The following OBI1 variants were observed in gnomAD, a reference collection of about 807,000 sequenced individuals.
OBI1 encodes the protein ORC ubiquitin ligase 1.
In OBI1, 59 loss-of-function variants were observed where a neutral mutation model predicts 62.4. The observed-to-expected ratio is 0.95, with a 90% CI of 0.77 to 1.17. The LOEUF (loss-of-function observed/expected upper bound fraction) is 1.17. OBI1 is among the 50% of genes most tolerant of loss of function. OBI1 has a pLI of 0.00. For synonymous variants in OBI1, 302 were observed against 292.8 expected (o/e 1.03, Z -0.32); for missense variants, 875 against 830.9 (o/e 1.05, Z -0.65).
At position 78,615,818 on chromosome 13, in the gene OBI1, G is replaced by A; in HGVS notation, c.1943C>T (p.Thr648Ile). The A allele has an allele frequency of 6.2e-7, 1 of 1,613,918 alleles. No homozygotes were observed. Among genetic ancestry groups the A allele is most frequent in the Non-Finnish European group, 8.5e-7 (1 of 1,179,958 alleles). Reference sequence around the variant, plus strand: ...TAACAAAATGCCCTGGGAAAACTCTGTCTGAAACAAGCAGCTTGGGGGTTT... The same window carrying A: ...TAACAAAATGCCCTGGGAAAACTCTATCTGAAACAAGCAGCTTGGGGGTTT... ...EIKPPSCLFQ[T>I]EFSQGILLSS... Residue 648 changes from threonine to isoleucine, a missense_variant, in exon 6 of 6, where the codon ACA becomes ATA. Thr to Ile is a moderately conservative substitution (Grantham distance 89). Coordinates refer to ENST00000282003, the MANE Select transcript of OBI1 (RefSeq NM_024546.4).
At chr13:78,623,842 CCAT>C (rs1211299855) in intron 5 of OBI1, among the ~76,000 whole-genome samples, 3 of 152,120 alleles carry the variant, frequency 2.0e-5, no homozygotes, top group African/African-American at 4.8e-5. Flanking sequence ...CAAACCACCA[CCAT>C]ATTTTAGGCA....
At chr13:78,654,002 G>A (rs545471362) in intron 1 of OBI1, among the ~76,000 whole-genome samples, 2 of 143,368 alleles carry the variant, frequency 1.4e-5, no homozygotes, top group African/African-American at 5.1e-5. Flanking sequence ...CTGGTTCTGG[G>A]CCAGAATTTA....
chr13:78,634,433 T>A (rs1389630404), intron 5 of OBI1, among the ~76,000 whole-genome samples: 1 of 152,048 alleles, frequency 6.6e-6, no homozygotes, highest in Non-Finnish European at 1.5e-5. Context: ...TAGCTGGGAT[T>A]ACAGGTGCCC....
At chr13:78,619,165 C>T (rs1325639) in intron 5 of OBI1, among the ~76,000 whole-genome samples, 27,128 of 151,780 alleles carry the variant, frequency 0.18, 3,272 homozygotes, top group East Asian at 0.25. Context: ...TCAGTTGCTA[C>T]CAAAGGATAT....
At chr13:78,639,421 G>C (rs1353295697) in intron 3 of OBI1, among the ~76,000 whole-genome samples, 1 of 152,084 alleles carries the variant, frequency 6.6e-6, no homozygotes, top group East Asian at 1.9e-4. Flanking sequence ...AACCATCGTG[G>C]AAGTCAGTGT....
chr13:78,641,144 G>T (rs760494305), intron 3 of OBI1, among the ~76,000 whole-genome samples: 2 of 152,106 alleles, frequency 1.3e-5, no homozygotes, highest in Non-Finnish European at 2.9e-5. Context: ...CCCCCAAGTA[G>T]CTCAAGTGAT....
At chr13:78,631,910 G>A (rs1875864003) in intron 5 of OBI1, among the ~76,000 whole-genome samples, 1 of 152,092 alleles carries the variant, frequency 6.6e-6, no homozygotes, top group Non-Finnish European at 1.5e-5. Flanking sequence ...TTAAAAGATT[G>A]TATGTAAAAT....
In OBI1 at chr13:78,644,994, G is replaced by C; in HGVS notation, c.76C>G (p.Arg26Gly). The stretch of plus-strand genomic sequence containing the variant: ...TTGTTGATGCATATGACAGGCTGAC[G>C]TACCTTTGAAAAAAGAAATCACTTT... ...ITCHICLGKV[R>G]QPVICINNHV... The change falls in exon 2 of 6, where the codon CGT becomes GGT. Residue 26 changes from arginine to glycine, a missense_variant. Physicochemically the swap from Arg to Gly is moderately radical, Grantham distance 125. Transcript: ENST00000282003. 1 of 1,607,100 alleles carries C rather than the reference G, an allele frequency of 6.2e-7. No individual in the cohort carries two copies. The highest frequency in any genetic ancestry group is 1.1e-5 in the South Asian group (1 of 89,654).
intron 5 of OBI1, among the ~76,000 whole-genome samples, chr13:78,617,845 A>T (rs2765068): frequency 0.46 from 70,064 of 151,720 alleles, 18,244 homozygotes; most frequent in African/African-American, 0.71. Context: ...AAAAAAAAAA[A>T]TTTTTTTGTA....
chr13:78,657,588 T>C (rs932543700), intron 1 of OBI1, among the ~76,000 whole-genome samples: 27 of 152,304 alleles, frequency 1.8e-4, no homozygotes, highest in African/African-American at 6.5e-4. Context: ...TTCTATGAGG[T>C]ATCACTCTCG....
At chr13:78,620,470 T>A in intron 5 of OBI1, 2 of 323,672 alleles carry the variant, frequency 6.2e-6, no homozygotes, top group Non-Finnish European at 1.2e-5. Context: ...GTAGCAGTGA[T>A]GGCCAAAGGC....
chr13:78,642,348 A>C, intron 2 of OBI1, 135 bp from the exon 3 acceptor site: 1 of 565,682 alleles, frequency 1.8e-6, no homozygotes, highest in East Asian at 2.9e-5. Flanking sequence ...CTTGGGGCTT[A>C]CATCTAGGCC....
chr13:78,653,825 C>G (rs756831652), intron 1 of OBI1, among the ~76,000 whole-genome samples: 6 of 152,030 alleles, frequency 3.9e-5, no homozygotes, highest in Non-Finnish European at 8.8e-5. Flanking sequence ...TGCACCTTGT[C>G]AAAACTTTAT....
At chr13:78,654,682 A>G (rs1432733655) in intron 1 of OBI1, among the ~76,000 whole-genome samples, 3 of 152,246 alleles carry the variant, frequency 2.0e-5, no homozygotes, top group Non-Finnish European at 4.4e-5. Flanking sequence ...CCTTATGGGA[A>G]ACAGTCAGTC....
intron 5 of OBI1, among the ~76,000 whole-genome samples, chr13:78,628,872 G>C (rs76126554): frequency 0.01 from 1,547 of 151,856 alleles, 28 homozygotes; most frequent in African/African-American, 0.035. Context: ...AAAAAAGATA[G>C]ATGAAAACAT....
chr13:78,644,997 C>A lies in OBI1; in HGVS notation c.73G>T (p.Val25Leu), dbSNP rs765730570. ...PITCHICLGK[V>L]RQPVICINNH... ...TTGATGCATATGACAGGCTGACGTA[C>A]CTTTGAAAAAAGAAATCACTTTTAG... Residue 25 changes from valine (V) to leucine (L), a missense_variant and splice_region_variant, in exon 2 of 6, where the codon GTA becomes TTA. Physicochemically the swap from Val to Leu is conservative, Grantham distance 32. Transcript: ENST00000282003. 3 of 1,605,824 alleles carry A rather than the reference C, an allele frequency of 1.9e-6. No homozygotes were observed. The highest frequency in any genetic ancestry group is 1.1e-5 in the South Asian group (1 of 89,408).
rs575277376 is a variant in OBI1 at position 78,656,603 on chromosome 13, GA to G, written c.72+2445del. Among the ~76,000 whole-genome samples, 281 of 149,034 alleles carry G rather than the reference GA, an allele frequency of 1.9e-3. 5 individuals are homozygous for G. The highest frequency in any genetic ancestry group is 6.5e-3 in the African/African-American group (264 of 40,652). On this transcript the variant is annotated intron_variant, in intron 1 of 5. Transcript: ENST00000282003. ...GTCTCAGAAAAAAAGAAAAAAAAAA[GA>G]AAAAAAGTTAAGTAACTTGTAAAAG... is the stretch of plus-strand genomic sequence containing the variant.
rs115068568 is a variant in OBI1, at chr13:78,630,102, T to G, written c.638+5008A>C. Among the ~76,000 whole-genome samples the G allele has an allele frequency of 3.1e-3, 468 of 152,280 alleles. 3 individuals carry two copies. The highest frequency in any genetic ancestry group is 0.011 in the African/African-American group (451 of 41,574). On this transcript the variant is annotated intron_variant, in intron 5 of 5. Transcript: ENST00000282003. Reference sequence around the variant, plus strand: ...TTCAAAGCTGGGCTTAAGTTCTTTTTGATAAAGATCTTCCTTATCCCTGCA... The same window carrying G: ...TTCAAAGCTGGGCTTAAGTTCTTTTGGATAAAGATCTTCCTTATCCCTGCA...
chr13:78,657,484 T>A (rs1402978502), intron 1 of OBI1, among the ~76,000 whole-genome samples: 1 of 152,054 alleles, frequency 6.6e-6, no homozygotes, highest in African/African-American at 2.4e-5. Flanking sequence ...ATTTTAAAAA[T>A]GGAAAAACCA....
Sources: allele counts gnomAD v4.1 joint callset (sites outside exome capture counted in the v4.1 genomes callset), GRCh38; gene constraint gnomAD v4.1.1; transcripts MANE v1.5; gene names NCBI Gene and HGNC (gene_info 2026-07-23, HGNC 2026-07-21).